KCNH7: variants seen among roughly 807,000 people sequenced by gnomAD.
KCNH7 encodes voltage-gated inwardly rectifying potassium channel KCNH7.
In KCNH7, 49 loss-of-function variants were observed where a neutral mutation model predicts 120.8. That is an observed-to-expected ratio of 0.41 (90% CI 0.32 to 0.51). The LOEUF (loss-of-function observed/expected upper bound fraction) is 0.51. KCNH7 is among the 20% of genes least tolerant of loss of function. KCNH7 has a pLI of 0.38. For synonymous variants in KCNH7, 547 were observed against 516.1 expected (o/e 1.06, Z -0.81); for missense variants, 1,097 against 1,446.6 (o/e 0.76, Z 3.92).
chr2:162,414,856 T>C (rs112429633), intron 9 of KCNH7, among the ~76,000 whole-genome samples: 1 of 152,066 alleles, frequency 6.6e-6, no homozygotes, highest in African/African-American at 2.4e-5. Context: ...TAACTTTTTA[T>C]CTAAGGAATG....
intron 2 of KCNH7, among the ~76,000 whole-genome samples, chr2:162,819,133 T>G (rs1406937665): frequency 6.6e-6 from 1 of 152,210 alleles, no homozygotes; most frequent in Non-Finnish European, 1.5e-5. Flanking sequence ...ATGATACTGC[T>G]TTAATCCTGA....
At chr2:162,543,132 A>C (rs990968897) in intron 2 of KCNH7, among the ~76,000 whole-genome samples, 9 of 152,110 alleles carry the variant, frequency 5.9e-5, no homozygotes. Flanking sequence ...TACTGAAAAC[A>C]AAAAGGAGGA....
intron 2 of KCNH7, among the ~76,000 whole-genome samples, chr2:162,760,901 T>C (rs1043140260): frequency 2.6e-5 from 4 of 152,150 alleles, no homozygotes; most frequent in Non-Finnish European, 5.9e-5. Flanking sequence ...CAAGGTATTA[T>C]TCTTTCACTT....
At chr2:162,585,920 G>T (rs1303158022) in intron 2 of KCNH7, among the ~76,000 whole-genome samples, 1 of 151,916 alleles carries the variant, frequency 6.6e-6, no homozygotes. Flanking sequence ...AGAATGATTT[G>T]TCCAGAATCT....
At chr2:162,811,238 A>T (rs897840075) in intron 2 of KCNH7, among the ~76,000 whole-genome samples, 2 of 152,150 alleles carry the variant, frequency 1.3e-5, no homozygotes, top group African/African-American at 2.4e-5. Flanking sequence ...CATAAATTTT[A>T]AAAAATCTGT....
At position 162,804,317 on chromosome 2, in the gene KCNH7, T is replaced by G. The variant is rs540684061; in HGVS notation, c.307+32220A>C. 8.1e-4 allele frequency among the ~76,000 whole-genome samples: 123 copies of G among 151,876 alleles called. 1 individual carries two copies. The highest frequency in any genetic ancestry group is 1.5e-3 in the Non-Finnish European group (102 of 67,760). On this transcript the variant is annotated intron_variant, in intron 2 of 15. Transcript: ENST00000332142. ...TATCACTGTTTGCTGATGATATACCTAGAAAACCCTACAAACGCCTCCAAA... is the reference window on the plus strand; with the variant it reads ...TATCACTGTTTGCTGATGATATACCGAGAAAACCCTACAAACGCCTCCAAA...
At chr2:162,611,401 T>C (rs1460837650) in intron 2 of KCNH7, among the ~76,000 whole-genome samples, 13 of 152,198 alleles carry the variant, frequency 8.5e-5, no homozygotes, top group Non-Finnish European at 8.8e-5. Flanking sequence ...TTTTGCCTTC[T>C]GGTACAAGTT....
At chr2:162,456,682 T>C (rs1688974151) in intron 6 of KCNH7, among the ~76,000 whole-genome samples, 2 of 152,148 alleles carry the variant, frequency 1.3e-5, no homozygotes, top group Admixed American at 6.6e-5. Context: ...TGAATCTGGG[T>C]GCTCCTTTAC....
In KCNH7 at chr2:162,394,403, C is replaced by T. The variant is rs746191342; in HGVS notation, c.2696G>A (p.Ser899Asn). The T allele has an allele frequency of 6.3e-7, 1 of 1,581,586 alleles. No individual in the cohort carries two copies. Among genetic ancestry groups the T allele is most frequent in the Non-Finnish European group, 8.7e-7 (1 of 1,151,174 alleles). Reference protein sequence around the residue: ...KLRRRKLSFESEGEKENSTND... With the variant: ...KLRRRKLSFENEGEKENSTND... Reference sequence around the variant, plus strand: ...GAATGAATTACCTTTCTCTCCTTCACTTTCAAATGACAATTTCCTTCTTCT... The same window carrying T: ...GAATGAATTACCTTTCTCTCCTTCATTTTCAAATGACAATTTCCTTCTTCT... Residue 899 changes from serine (S) to asparagine (N), a missense_variant, in exon 12 of 16, where the codon AGT becomes AAT. Physicochemically the swap from Ser to Asn is conservative, Grantham distance 46. Transcript: ENST00000332142.
chr2:162,819,363 T>C (rs891464732), intron 2 of KCNH7, among the ~76,000 whole-genome samples: 6 of 152,032 alleles, frequency 3.9e-5, no homozygotes, highest in Admixed American at 6.6e-5. Context: ...GCAAAATAAA[T>C]AAGTAGATAT....
chr2:162,558,716 C>T (rs1291023977), intron 2 of KCNH7, among the ~76,000 whole-genome samples: 1 of 151,674 alleles, frequency 6.6e-6, no homozygotes, highest in Non-Finnish European at 1.5e-5. Context: ...ATAATACAAT[C>T]AAAGAGGGTG....
At chr2:162,546,259 A>G (rs1460126789) in intron 2 of KCNH7, among the ~76,000 whole-genome samples, 41 of 152,156 alleles carry the variant, frequency 2.7e-4, no homozygotes, top group Admixed American at 2.7e-3. Context: ...AGGCAAACCA[A>G]GTCTACATTT....
chr2:162,501,986 A>T (rs1025259877), intron 6 of KCNH7: 2 of 152,102 alleles, frequency 1.3e-5, no homozygotes, highest in Non-Finnish European at 2.9e-5. Flanking sequence ...AAAGCTTTTG[A>T]TGGAAACTGT....
intron 3 of KCNH7, among the ~76,000 whole-genome samples, chr2:162,534,246 C>T (rs1401643686): frequency 6.6e-6 from 1 of 151,028 alleles, no homozygotes; most frequent in Non-Finnish European, 1.5e-5. Flanking sequence ...AAAGAGGCAA[C>T]AAAGTAAGCT....
At chr2:162,456,026 G>T (rs1388641408) in intron 6 of KCNH7, among the ~76,000 whole-genome samples, 1 of 152,106 alleles carries the variant, frequency 6.6e-6, no homozygotes. Context: ...TAATTGTGAT[G>T]TTAGGGTGTT....
At chr2:162,564,701 G>A (rs945680713) in intron 2 of KCNH7, among the ~76,000 whole-genome samples, 5 of 152,072 alleles carry the variant, frequency 3.3e-5, no homozygotes, top group African/African-American at 1.2e-4. Flanking sequence ...ATTGGTTTAG[G>A]ATTAAGGAGG....
intron 6 of KCNH7, among the ~76,000 whole-genome samples, chr2:162,503,938 T>C (rs1248384194): frequency 6.6e-6 from 1 of 151,904 alleles, no homozygotes; most frequent in Admixed American, 6.6e-5. Flanking sequence ...CAATTAGATA[T>C]TGTTCCAATA....
intron 2 of KCNH7, among the ~76,000 whole-genome samples, chr2:162,573,163 G>T (rs1693551040): frequency 1.3e-5 from 2 of 151,922 alleles, no homozygotes; most frequent in African/African-American, 4.8e-5. Flanking sequence ...AAATGTGCAG[G>T]AAAAACTTTA....
In KCNH7 at chr2:162,550,835, T is replaced by G. The variant is rs75177277; in HGVS notation, c.308-13755A>C. On this transcript the variant is annotated intron_variant, in intron 2 of 15. Transcript: ENST00000332142. ...AAAATGTGGCAAAATACTATGATAATGAAAATGAGCTGAATATGGTAGACA... is the reference window on the plus strand; with the variant it reads ...AAAATGTGGCAAAATACTATGATAAGGAAAATGAGCTGAATATGGTAGACA... 1.4e-3 allele frequency among the ~76,000 whole-genome samples: 216 copies of G among 151,842 alleles called. 2 individuals carry two copies. In the East Asian group the frequency reaches 0.021, roughly 15 times the overall value.
Sources: allele counts gnomAD v4.1 joint callset (sites outside exome capture counted in the v4.1 genomes callset), GRCh38; gene constraint gnomAD v4.1.1; transcripts MANE v1.5; gene names NCBI Gene and HGNC (gene_info 2026-07-23, HGNC 2026-07-21).